The following MTHFD1L variants were observed in gnomAD, a reference collection of about 807,000 sequenced individuals.
MTHFD1L encodes methylenetetrahydrofolate dehydrogenase (NADP+ dependent) 1 like.
In MTHFD1L, 81 loss-of-function variants were observed where a neutral mutation model predicts 119.5. The observed-to-expected ratio is 0.68, with a 90% CI of 0.57 to 0.82. The LOEUF is 0.82. Ranked by LOEUF, MTHFD1L falls within the 40% of genes least tolerant of loss-of-function variation. The pLI, the probability that MTHFD1L is intolerant of heterozygous loss-of-function variation, is 0.00. For synonymous variants in MTHFD1L, 430 were observed against 475.2 expected, an observed-to-expected ratio of 0.90 and a Z score of 1.24; for missense variants, 1,125 against 1,253.4, an observed-to-expected ratio of 0.90 and a Z score of 1.55.
intron 8 of MTHFD1L, among the ~76,000 whole-genome samples, chr6:150,912,093 G>A (rs1583512354): frequency 6.6e-6 from 1 of 152,076 alleles, no homozygotes; most frequent in East Asian, 1.9e-4. Context: ...CAATGGGATG[G>A]CGCTAAGCCT....
At chr6:151,097,197 T>G (rs554336787) in intron 27 of MTHFD1L, among the ~76,000 whole-genome samples, 1 of 152,340 alleles carries the variant, frequency 6.6e-6, no homozygotes, top group South Asian at 2.1e-4. Flanking sequence ...ACTCCCTTAC[T>G]TCTTTATTGT....
At chr6:151,056,294 TAC>T (rs373828073) in intron 26 of MTHFD1L, among the ~76,000 whole-genome samples, 221 of 152,312 alleles carry the variant, frequency 1.5e-3, no homozygotes, top group African/African-American at 5.1e-3. Context: ...TTGATTTGGG[TAC>T]ACAGTTTCAC....
chr6:150,925,445 A>G (rs1348805853), intron 10 of MTHFD1L, among the ~76,000 whole-genome samples: 1 of 152,150 alleles, frequency 6.6e-6, no homozygotes, highest in Non-Finnish European at 1.5e-5. Context: ...GGTGGCCAGT[A>G]AAATAGAAGA....
chr6:150,987,595 C>T (rs1778479674), intron 20 of MTHFD1L, among the ~76,000 whole-genome samples: 1 of 152,212 alleles, frequency 6.6e-6, no homozygotes, highest in Non-Finnish European at 1.5e-5. Context: ...GTAGTTTGCT[C>T]AAAGGCAGGC....
chr6:151,080,170 T>C (rs2128631744), intron 26 of MTHFD1L, among the ~76,000 whole-genome samples: 1 of 152,216 alleles, frequency 6.6e-6, no homozygotes, highest in South Asian at 2.1e-4. Flanking sequence ...GGAGTGAGAC[T>C]CTGGCCCAAA....
intron 26 of MTHFD1L, among the ~76,000 whole-genome samples, chr6:151,065,777 G>T (rs553544972): frequency 1.3e-5 from 2 of 152,348 alleles, no homozygotes; most frequent in African/African-American, 4.8e-5. Context: ...GCATAGGGCA[G>T]GAGCAGACCC....
chr6:150,870,496 A>G (rs1295813926), intron 1 of MTHFD1L, among the ~76,000 whole-genome samples: 3 of 152,200 alleles, frequency 2.0e-5, no homozygotes, highest in Admixed American at 2.0e-4. Flanking sequence ...GACCACTGCA[A>G]TAAGGGGAAT....
At chr6:151,022,422 A>G in intron 24 of MTHFD1L, 1 of 185,464 alleles carries the variant, frequency 5.4e-6, no homozygotes, top group East Asian at 1.3e-4. Flanking sequence ...TATGTATAAC[A>G]TACAATTTCC....
intron 26 of MTHFD1L, among the ~76,000 whole-genome samples, chr6:151,043,632 G>T (rs577015212): frequency 1.4e-4 from 22 of 152,286 alleles, no homozygotes; most frequent in African/African-American, 3.8e-4. Context: ...GTTAATTTTT[G>T]ATGTATTTGA....
chr6:150,937,202 G>A (rs553481047), intron 12 of MTHFD1L, among the ~76,000 whole-genome samples: 74 of 152,176 alleles, frequency 4.9e-4, no homozygotes, highest in Admixed American at 7.8e-4. Flanking sequence ...CCTCGAGTGC[G>A]GTCTCCCATT....
At chr6:151,037,695 A>G (rs1441915554) in intron 26 of MTHFD1L, among the ~76,000 whole-genome samples, 1 of 152,210 alleles carries the variant, frequency 6.6e-6, no homozygotes, top group East Asian at 1.9e-4. Flanking sequence ...ATGGGGGTAA[A>G]GGAGATGGGC....
intron 24 of MTHFD1L, chr6:151,016,877 ATTC>A (rs1267173918): frequency 4.4e-5 from 8 of 180,556 alleles, no homozygotes; most frequent in Non-Finnish European, 5.6e-5. Flanking sequence ...GGTTCAAGCA[ATTC>A]TTCTGCCTCA....
At chr6:150,928,768 T>C (rs553270309) in intron 11 of MTHFD1L, among the ~76,000 whole-genome samples, 1 of 152,198 alleles carries the variant, frequency 6.6e-6, no homozygotes, top group African/African-American at 2.4e-5. Context: ...GGCCTTGAAC[T>C]CCTGGCCTCA....
chr6:150,984,432 T>C (rs1777972572), intron 20 of MTHFD1L, among the ~76,000 whole-genome samples: 1 of 152,126 alleles, frequency 6.6e-6, no homozygotes, highest in Admixed American at 6.6e-5. Flanking sequence ...TTCCCCCCTT[T>C]ATTCAGATAA....
At chr6:151,007,787 G>A (rs1351246347) in intron 20 of MTHFD1L, among the ~76,000 whole-genome samples, 2 of 152,186 alleles carry the variant, frequency 1.3e-5, no homozygotes, top group East Asian at 1.9e-4. Context: ...CTGAGGTAAG[G>A]ATTGTTACTG....
At chr6:150,950,816 C>T (rs1208713041) in intron 16 of MTHFD1L, among the ~76,000 whole-genome samples, 2 of 152,058 alleles carry the variant, frequency 1.3e-5, no homozygotes, top group Admixed American at 6.6e-5. Context: ...ATTACAGGCA[C>T]ACACCACCAC....
intron 26 of MTHFD1L, among the ~76,000 whole-genome samples, chr6:151,074,150 A>G (rs567622386): frequency 5.3e-5 from 8 of 152,348 alleles, no homozygotes; most frequent in African/African-American, 9.6e-5. Context: ...TCTTTCCAAA[A>G]CAAAGCTGAA....
At chr6:151,078,011 CCACTGCACTCCA>C (rs1241399481) in intron 26 of MTHFD1L, among the ~76,000 whole-genome samples, 1 of 138,470 alleles carries the variant, frequency 7.2e-6, no homozygotes, top group Admixed American at 7.8e-5. Context: ...CAAGATCGCG[CCACTGCACTCCA>C]GCCTGGGCGA....
chr6:150,971,812 T>A (rs976573105), intron 19 of MTHFD1L, 135 bp from the exon 20 acceptor site: 2 of 673,626 alleles, frequency 3.0e-6, no homozygotes, highest in Non-Finnish European at 5.1e-6. Flanking sequence ...GTGTTTTGAC[T>A]GTCTTTGAAA....
Sources: gnomAD v4.1 joint callset for allele counts (sites outside exome capture counted in the v4.1 genomes callset) on GRCh38, gnomAD v4.1.1 for gene constraint, MANE v1.5 for transcripts, NCBI Gene and HGNC (gene_info 2026-07-23, HGNC 2026-07-21) for gene names.